The following ZMYM2 variants were observed in gnomAD, a reference collection of about 807,000 sequenced individuals.
ZMYM2 encodes the protein zinc finger MYM-type containing 2, also known as zinc finger MYM-type protein 2.
ZMYM2 carries 56 observed loss-of-function variants against 162.8 expected under a neutral mutation model. The observed-to-expected ratio is 0.34, with a 90% CI of 0.28 to 0.43. ZMYM2 has a LOEUF of 0.43. Among genes scored for constraint, ZMYM2 ranks in the 20% least tolerant of loss-of-function variants. The probability of loss-of-function intolerance (pLI) is 1.00; values close to 1 mark genes in which losing one functional copy is unlikely to be tolerated. For missense variants in ZMYM2, 1,275 were observed against 1,621.8 expected (o/e 0.79, Z 3.67); for synonymous variants, 510 against 541.6 (o/e 0.94, Z 0.81).
chr13:19,891,146 G>C, the ZMYM2 span, among the ~76,000 whole-genome samples: 1 of 151,878 alleles, frequency 6.6e-6, no homozygotes, highest in South Asian at 2.1e-4. Context: ...TTAAGGTTAA[G>C]TGAAGTCATA....
intron 2 of ZMYM2, among the ~76,000 whole-genome samples, chr13:19,965,666 T>G (rs182661102): frequency 4.9e-4 from 74 of 152,272 alleles, no homozygotes; most frequent in African/African-American, 1.7e-3. Flanking sequence ...AATGAAAATT[T>G]TATTTTATCC....
Position 19,990,637 on chromosome 13 carries a change from A to T in ZMYM2, c.-10-2426A>T, listed in dbSNP as rs190954379. ...CCCAAAATTAAGAAAATGCTACAAG[A>T]CGTACAGTGAAAAATGCCTCTACCA... On this transcript the variant is annotated intron_variant, in intron 2 of 24. Coordinates refer to ENST00000610343, the MANE Select transcript of ZMYM2 (RefSeq NM_197968.4). Among the ~76,000 whole-genome samples the T allele has an allele frequency of 7.9e-4, 120 of 152,344 alleles. 2 individuals carry two copies. Among genetic ancestry groups the T allele is most frequent in the African/African-American group, 9.1e-4 (38 of 41,578 alleles).
chr13:19,912,292 GTTTTTT>G, the ZMYM2 span, among the ~76,000 whole-genome samples: 6 of 75,708 alleles, frequency 7.9e-5, no homozygotes, highest in South Asian at 5.9e-4. Flanking sequence ...TGTTTTTTGG[GTTTTTT>G]TTTTTTTTTT....
At position 19,958,791 on chromosome 13, in the gene ZMYM2, G is replaced by GGTGGGCCGGGGGAGGGGA; in HGVS notation, c.-128_-111dup. 1 of 152,962 alleles carries GGTGGGCCGGGGGAGGGGA rather than the reference G, an allele frequency of 6.5e-6. No homozygotes were observed. The highest frequency in any genetic ancestry group is 6.5e-5 in the Admixed American group (1 of 15,292). The allele number at this position is 152,962 out of a possible 1,614,324, so 9.5% of individuals were successfully genotyped here. On this transcript the variant is annotated 5_prime_UTR_variant, in exon 1 of 25. Transcript: ENST00000610343. ...GGAGTTGTGCGTGTCGCCGAAGGGG[G>GGTGGGCCGGGGGAGGGGA]GTGGGCCGGGGGAGGGGAGGTTCGT...
the ZMYM2 span, among the ~76,000 whole-genome samples, chr13:19,870,622 T>A: frequency 6.7e-6 from 1 of 150,004 alleles, no homozygotes; most frequent in Admixed American, 6.7e-5. Context: ...CCTTCTTTTT[T>A]GAGACAGAGT....
At chr13:19,960,811 C>G (rs1310069958) in intron 2 of ZMYM2, among the ~76,000 whole-genome samples, 1 of 152,210 alleles carries the variant, frequency 6.6e-6, no homozygotes, top group Non-Finnish European at 1.5e-5. Flanking sequence ...GAAGTCAGCA[C>G]TCTGGACACA....
the ZMYM2 span, among the ~76,000 whole-genome samples, chr13:19,917,205 G>A: frequency 4.6e-5 from 7 of 151,976 alleles, no homozygotes; most frequent in East Asian, 2.0e-4. Flanking sequence ...CTCGTGATCC[G>A]CCCGCCTTGG....
the ZMYM2 span, among the ~76,000 whole-genome samples, chr13:19,905,788 C>A: frequency 1.3e-5 from 2 of 152,134 alleles, no homozygotes; most frequent in African/African-American, 4.8e-5. Flanking sequence ...CTGTGAGTAA[C>A]AAACTATCTT....
chr13:19,983,063 C>G (rs1321581625), intron 2 of ZMYM2, among the ~76,000 whole-genome samples: 1 of 151,654 alleles, frequency 6.6e-6, no homozygotes, highest in Non-Finnish European at 1.5e-5. Flanking sequence ...AACTCACTGT[C>G]TATAATAGTT....
the ZMYM2 span, among the ~76,000 whole-genome samples, chr13:19,876,152 G>A: frequency 0.1 from 15,101 of 151,332 alleles, 892 homozygotes; most frequent in African/African-American, 0.17. Flanking sequence ...TCAGCCTCCC[G>A]AGTAGCTGGG....
At chr13:20,014,785 G>A (rs1594365409) in intron 6 of ZMYM2, among the ~76,000 whole-genome samples, 1 of 120,798 alleles carries the variant, frequency 8.3e-6, no homozygotes, top group East Asian at 2.1e-4. Flanking sequence ...TTTTTTTTGG[G>A]GACAAAGTCT....
chr13:20,067,500 T>TA (rs1956771007), intron 21 of ZMYM2, 110 bp downstream of exon 21: 1 of 1,131,702 alleles, frequency 8.8e-7, no homozygotes. Flanking sequence ...GAAACACATC[T>TA]ACAAAGTTGT....
chr13:20,082,695 C>T, intron 22 of ZMYM2, 86 bp from the exon 23 acceptor site: 1 of 1,190,668 alleles, frequency 8.4e-7, no homozygotes, highest in Non-Finnish European at 1.1e-6. Flanking sequence ...TAGATTTGTC[C>T]TTAAATTAAC....
At chr13:19,867,104 G>A in the ZMYM2 span, among the ~76,000 whole-genome samples, 2 of 152,200 alleles carry the variant, frequency 1.3e-5, no homozygotes, top group Non-Finnish European at 2.9e-5. Context: ...TGTAATCCCA[G>A]CACTTTGGGA....
the ZMYM2 span, among the ~76,000 whole-genome samples, chr13:19,933,383 A>T: frequency 0.48 from 72,880 of 152,078 alleles, 19,308 homozygotes; most frequent in South Asian, 0.63. Context: ...ATTATTAGAT[A>T]CAAATATCTG....
intron 17 of ZMYM2, among the ~76,000 whole-genome samples, chr13:20,062,164 G>A (rs1049843861): frequency 1.3e-5 from 2 of 152,180 alleles, no homozygotes; most frequent in Non-Finnish European, 2.9e-5. Context: ...TGTTTTTGAA[G>A]CACTGTGGTA....
In ZMYM2 at chr13:20,026,712, G is replaced by T; in HGVS notation, c.1685G>T (p.Cys562Phe). ...IGPNGYMEPY[C>F]STACMNSHKT... ...CCTAATGGATATATGGAGCCATATT[G>T]TTCAACTGCTTGTATGAACAGTCAC... Residue 562 changes from cysteine to phenylalanine, a missense_variant, in exon 8 of 25, where the codon TGT becomes TTT. Physicochemically the swap from Cys to Phe is radical, Grantham distance 205 (BLOSUM62 -2). Coordinates refer to ENST00000610343, the MANE Select transcript of ZMYM2 (RefSeq NM_197968.4). 1.2e-6 allele frequency: 2 copies of T among 1,605,500 alleles called. No individual in the cohort carries two copies. The highest frequency in any genetic ancestry group is 1.7e-6 in the Non-Finnish European group (2 of 1,178,238).
intron 13 of ZMYM2, 55 bp from the exon 14 acceptor site, chr13:20,052,222 G>A: frequency 7.1e-7 from 1 of 1,409,136 alleles, no homozygotes; most frequent in South Asian, 1.4e-5. Context: ...TAGGGATTTA[G>A]AACATTCTGA....
At chr13:20,026,506 T>C in intron 7 of ZMYM2, 106 bp from the exon 8 acceptor site, 1 of 1,118,562 alleles carries the variant, frequency 8.9e-7, no homozygotes, top group East Asian at 2.6e-5. Context: ...TGTTTAGAGA[T>C]TAACAGGATT....
Sources: allele counts gnomAD v4.1 joint callset (sites outside exome capture counted in the v4.1 genomes callset), GRCh38; gene constraint gnomAD v4.1.1; transcripts MANE v1.5; gene names NCBI Gene and HGNC (gene_info 2026-07-23, HGNC 2026-07-21).